The following FBP1 variants were observed in gnomAD, a reference collection of about 807,000 sequenced individuals.
FBP1 encodes fructose-bisphosphatase 1, also known as fructose-1,6-bisphosphatase 1.
A neutral mutation model predicts 29.9 loss-of-function variants in FBP1; 22 were observed. That is an observed-to-expected ratio of 0.74 (90% confidence interval 0.53 to 1.05). FBP1 has a LOEUF of 1.05. FBP1 is among the 50% of genes least tolerant of loss of function. The pLI, the probability that FBP1 is intolerant of heterozygous loss-of-function variation, is 0.00. For synonymous variants in FBP1, 175 were observed against 178.6 expected, an observed-to-expected ratio of 0.98 and a Z score of 0.16; for missense variants, 345 against 448.2, an observed-to-expected ratio of 0.77 and a Z score of 2.08.
chr9:94,631,842 A>G (rs1828108542), intron 1 of FBP1, among the ~76,000 whole-genome samples: 1 of 152,192 alleles, frequency 6.6e-6, no homozygotes, highest in Admixed American at 6.5e-5. Context: ...CCCAGCCAGG[A>G]ACATCCAAAG....
chr9:94,621,790 C>T (rs28369694), intron 1 of FBP1, among the ~76,000 whole-genome samples: 4,307 of 152,180 alleles, frequency 0.028, 111 homozygotes, highest in East Asian at 0.085. Flanking sequence ...TAGAGAGACC[C>T]AGCAAGCAAG....
chr9:94,605,919 G>A (rs918524124), intron 5 of FBP1, among the ~76,000 whole-genome samples: 2 of 152,164 alleles, frequency 1.3e-5, no homozygotes, highest in South Asian at 2.1e-4. Flanking sequence ...CTAAGGAACC[G>A]GGCAGGGGTG....
intron 1 of FBP1, among the ~76,000 whole-genome samples, chr9:94,636,656 A>G (rs16910853): frequency 0.11 from 16,144 of 151,910 alleles, 1,048 homozygotes; most frequent in East Asian, 0.24. Context: ...AAAGGTACTG[A>G]CACATTTTTT....
chr9:94,620,028 G>A (rs1333701109), intron 2 of FBP1, among the ~76,000 whole-genome samples: 1 of 152,162 alleles, frequency 6.6e-6, no homozygotes, highest in Non-Finnish European at 1.5e-5. Context: ...TAGTACAAGA[G>A]GTGACCAACA....
chr9:94,638,170 A>G (rs1181260162), intron 1 of FBP1, among the ~76,000 whole-genome samples: 2 of 151,776 alleles, frequency 1.3e-5, no homozygotes, highest in Non-Finnish European at 2.9e-5. Flanking sequence ...CTTACAAAAA[A>G]CCTCACAAGA....
intron 3 of FBP1, among the ~76,000 whole-genome samples, chr9:94,610,902 C>T (rs1055139040): frequency 1.4e-5 from 2 of 147,574 alleles, no homozygotes; most frequent in African/African-American, 5.0e-5. Flanking sequence ...CTCGCTCTGT[C>T]GCCCAGGCTG....
intron 1 of FBP1, among the ~76,000 whole-genome samples, chr9:94,623,029 G>C (rs952962433): frequency 4.9e-4 from 74 of 151,902 alleles, no homozygotes; most frequent in African/African-American, 1.8e-3. Flanking sequence ...CTGTTGTCCA[G>C]GCTGGTGTGC....
chr9:94,608,208 C>G (rs1306801377), intron 4 of FBP1, among the ~76,000 whole-genome samples: 1 of 152,142 alleles, frequency 6.6e-6, no homozygotes, highest in African/African-American at 2.4e-5. Context: ...GTGTTTTCAG[C>G]AGAAACCGTC....
At chr9:94,635,280 T>C (rs771967643) in intron 1 of FBP1, among the ~76,000 whole-genome samples, 1 of 152,214 alleles carries the variant, frequency 6.6e-6, no homozygotes, top group Non-Finnish European at 1.5e-5. Flanking sequence ...CTCTTCTGTA[T>C]GAGGAGGTGA....
At chr9:94,621,213 CAAAAAAAA>C (rs57221045) in intron 1 of FBP1, among the ~76,000 whole-genome samples, 166 of 43,988 alleles carry the variant, frequency 3.8e-3, no homozygotes, top group Admixed American at 6.8e-3. Flanking sequence ...GACTCCGTCT[CAAAAAAAA>C]AAAAAAAAAA....
intron 1 of FBP1, among the ~76,000 whole-genome samples, chr9:94,637,011 A>C (rs771297924): frequency 6.6e-6 from 1 of 152,010 alleles, no homozygotes; most frequent in African/African-American, 2.4e-5. Context: ...TTTTTAAAAT[A>C]TATCCCTGGT....
chr9:94,639,115 G>T, intron 1 of FBP1, 26 bp downstream of exon 1: 2 of 1,576,010 alleles, frequency 1.3e-6, no homozygotes, highest in Non-Finnish European at 1.7e-6. Context: ...GACAGGACGG[G>T]GCCCACCGCC....
At chr9:94,633,861 C>T (rs1488041872) in intron 1 of FBP1, among the ~76,000 whole-genome samples, 1 of 151,706 alleles carries the variant, frequency 6.6e-6, no homozygotes. Context: ...CCCGCCACCA[C>T]GCCCGGCTAA....
At position 94,603,488 on chromosome 9, in the gene FBP1, A is replaced by T; in HGVS notation, c.910T>A (p.Leu304Ile). The T allele has an allele frequency of 6.2e-7, 1 of 1,614,088 alleles. No homozygotes were observed. The highest frequency in any genetic ancestry group is 1.1e-5 in the South Asian group (1 of 91,068). ...TGAATGTCTGTGGGAATGACGTCTA[A>T]CACGGCCTCCTTCCCAGTGGTGGCC... ...GMATTGKEAV[L>I]DVIPTDIHQR... The change falls in exon 7 of 7, where the codon TTA becomes ATA. Residue 304 changes from leucine to isoleucine, a missense_variant. Coordinates refer to ENST00000375326, the MANE Select transcript of FBP1 (RefSeq NM_000507.4).
intron 1 of FBP1, among the ~76,000 whole-genome samples, chr9:94,637,701 C>A (rs1828212742): frequency 6.6e-6 from 1 of 152,040 alleles, no homozygotes; most frequent in Non-Finnish European, 1.5e-5. Context: ...CATCATGTGT[C>A]ATTTTTATAG....
intron 3 of FBP1, among the ~76,000 whole-genome samples, chr9:94,610,828 C>T (rs1308563610): frequency 6.6e-6 from 1 of 151,994 alleles, no homozygotes; most frequent in African/African-American, 2.4e-5. Context: ...AAGGAGACAG[C>T]TCCTAACCAC....
chr9:94,630,617 G>A (rs1026633173), intron 1 of FBP1, among the ~76,000 whole-genome samples: 3 of 152,222 alleles, frequency 2.0e-5, no homozygotes, highest in African/African-American at 7.2e-5. Context: ...GGGCATAACT[G>A]AGTTGATACA....
intron 1 of FBP1, among the ~76,000 whole-genome samples, chr9:94,634,589 C>T (rs547886311): frequency 3.9e-5 from 6 of 152,324 alleles, no homozygotes; most frequent in South Asian, 2.1e-4. Flanking sequence ...TCGAATTTGA[C>T]ATTTGAACCA....
intron 3 of FBP1, among the ~76,000 whole-genome samples, chr9:94,616,106 G>C (rs1436788760): frequency 1.3e-5 from 2 of 152,084 alleles, no homozygotes; most frequent in African/African-American, 4.8e-5. Context: ...GGGATTACAG[G>C]CGTGAGCCAT....
Sources: allele counts gnomAD v4.1 joint callset (sites outside exome capture counted in the v4.1 genomes callset), GRCh38; gene constraint gnomAD v4.1.1; transcripts MANE v1.5; gene names NCBI Gene and HGNC (gene_info 2026-07-23, HGNC 2026-07-21).